ANO3: variants seen among roughly 807,000 people sequenced by gnomAD.
The protein encoded by ANO3 is anoctamin-3.
In ANO3, 99 loss-of-function variants were observed where a neutral mutation model predicts 144.8. The observed-to-expected ratio is 0.68, with a 90% CI of 0.58 to 0.81. The LOEUF is 0.81. Ranked by LOEUF, ANO3 falls within the 30% of genes least tolerant of loss-of-function variation. The probability of loss-of-function intolerance (pLI) is 0.00; values close to 1 mark genes in which losing one functional copy is unlikely to be tolerated. For missense variants in ANO3, 905 were observed against 1,202.2 expected (o/e 0.75, Z 3.66); for synonymous variants, 414 against 392.6 (o/e 1.05, Z -0.64).
In ANO3 at chr11:26,193,839, C is replaced by T. The variant is rs368089688; in HGVS notation, c.154+4509C>T. 1.2e-4 allele frequency among the ~76,000 whole-genome samples: 18 copies of T among 152,190 alleles called. No individual in the cohort carries two copies. In the South Asian group the frequency reaches 3.7e-3, roughly 32 times the overall value. ...TAGGAATGCAACCTATCAGGTAATTCAGGATTCCCATGTAAATTAACATTT... is the reference window on the plus strand; with the variant it reads ...TAGGAATGCAACCTATCAGGTAATTTAGGATTCCCATGTAAATTAACATTT... On this transcript the variant is annotated intron_variant, in intron 1 of 27. Coordinates refer to the ANO3 transcript ENST00000672621.
chr11:26,242,839 A>G (rs796800547), intron 1 of ANO3, among the ~76,000 whole-genome samples: 2 of 152,238 alleles, frequency 1.3e-5, no homozygotes, highest in Non-Finnish European at 2.9e-5. Flanking sequence ...GTGAGCATCA[A>G]TGAAATGGTA....
intron 1 of ANO3, among the ~76,000 whole-genome samples, chr11:26,220,375 C>T (rs1330900964): frequency 6.6e-6 from 1 of 152,180 alleles, no homozygotes; most frequent in Non-Finnish European, 1.5e-5. Flanking sequence ...TGAAAAGTTG[C>T]TAATGGATTG....
At chr11:26,289,629 T>C (rs1853900143) in intron 1 of ANO3, among the ~76,000 whole-genome samples, 1 of 91,056 alleles carries the variant, frequency 1.1e-5, no homozygotes, top group Admixed American at 1.0e-4. Flanking sequence ...TATATGTGTG[T>C]ATATGTACAT....
intron 4 of ANO3, among the ~76,000 whole-genome samples, chr11:26,475,776 A>G (rs1334274370): frequency 6.6e-6 from 1 of 152,102 alleles, no homozygotes; most frequent in East Asian, 1.9e-4. Context: ...TTATCCTTGG[A>G]CTTTTCTTTC....
intron 1 of ANO3, among the ~76,000 whole-genome samples, chr11:26,384,645 A>G (rs891555972): frequency 2.0e-5 from 3 of 152,146 alleles, no homozygotes; most frequent in Admixed American, 2.0e-4. Flanking sequence ...CATATGCCAC[A>G]TCTTTCCAGT....
At chr11:26,360,352 G>C (rs1456580585) in intron 1 of ANO3, among the ~76,000 whole-genome samples, 1 of 151,896 alleles carries the variant, frequency 6.6e-6, no homozygotes, top group African/African-American at 2.4e-5. Flanking sequence ...GCTGGGTCTG[G>C]TTCCTGATGT....
chr11:26,249,523 T>G (rs1056720097), intron 1 of ANO3, among the ~76,000 whole-genome samples: 2 of 152,238 alleles, frequency 1.3e-5, no homozygotes, highest in South Asian at 2.1e-4. Context: ...GTTATGTGCT[T>G]CTTCTCCTGG....
chr11:26,371,123 CA>C (rs1648969089), intron 1 of ANO3, among the ~76,000 whole-genome samples: 1 of 152,102 alleles, frequency 6.6e-6, no homozygotes, highest in Admixed American at 6.5e-5. Flanking sequence ...TTTAGTGGAC[CA>C]GGCCAAGGGG....
chr11:26,469,531 T>G (rs2134068181), intron 4 of ANO3, among the ~76,000 whole-genome samples: 1 of 152,078 alleles, frequency 6.6e-6, no homozygotes, highest in Non-Finnish European at 1.5e-5. Context: ...ATACTCAAAC[T>G]GAATATATTG....
intron 1 of ANO3, among the ~76,000 whole-genome samples, chr11:26,200,089 G>A (rs545642198): frequency 6.6e-6 from 1 of 152,160 alleles, no homozygotes; most frequent in East Asian, 1.9e-4. Context: ...GAGAGAGCCT[G>A]GTATTGTCAA....
chr11:26,403,938 T>A (rs1197160988), intron 1 of ANO3, among the ~76,000 whole-genome samples: 1 of 151,888 alleles, frequency 6.6e-6, no homozygotes, highest in Non-Finnish European at 1.5e-5. Flanking sequence ...TTTTTGCTCA[T>A]CCTTCACCTC....
chr11:26,612,329 A>G (rs1169802390), intron 17 of ANO3, among the ~76,000 whole-genome samples: 1 of 151,854 alleles, frequency 6.6e-6, no homozygotes, highest in Non-Finnish European at 1.5e-5. Flanking sequence ...TTGTAGATGT[A>G]TTATTTTAAG....
chr11:26,583,380 T>C (rs757541937), intron 14 of ANO3, among the ~76,000 whole-genome samples: 2 of 152,188 alleles, frequency 1.3e-5, no homozygotes, highest in Non-Finnish European at 2.9e-5. Flanking sequence ...AAAGGGAAAT[T>C]TGAAGTAAAA....
At chr11:26,596,401 T>C (rs543518594) in intron 14 of ANO3, among the ~76,000 whole-genome samples, 1 of 152,300 alleles carries the variant, frequency 6.6e-6, no homozygotes, top group Admixed American at 6.5e-5. Context: ...CAACCTGATC[T>C]ATTATGTTGT....
chr11:26,605,907 T>C (rs1851922660), intron 17 of ANO3, among the ~76,000 whole-genome samples: 1 of 152,204 alleles, frequency 6.6e-6, no homozygotes, highest in Admixed American at 6.5e-5. Flanking sequence ...CATTCATTTT[T>C]TTGAAGGGGT....
chr11:26,614,534 A>T (rs1005847128), intron 17 of ANO3, among the ~76,000 whole-genome samples: 4 of 152,170 alleles, frequency 2.6e-5, no homozygotes, highest in Non-Finnish European at 5.9e-5. Flanking sequence ...GAGCCATAGC[A>T]GCCTAGGTCA....
At chr11:26,462,942 A>T in intron 3 of ANO3, 88 bp from the exon 4 acceptor site, 1 of 592,812 alleles carries the variant, frequency 1.7e-6, no homozygotes, top group Non-Finnish European at 2.8e-6. Flanking sequence ...AAACTCTGGG[A>T]AAACATGAAA....
intron 10 of ANO3, among the ~76,000 whole-genome samples, chr11:26,540,130 A>G (rs1320966778): frequency 6.6e-6 from 1 of 152,116 alleles, no homozygotes; most frequent in Non-Finnish European, 1.5e-5. Context: ...GGCAACCCAT[A>G]TGACAGATTT....
chr11:26,282,094 GT>G (rs553971542), intron 1 of ANO3, among the ~76,000 whole-genome samples: 1 of 152,080 alleles, frequency 6.6e-6, no homozygotes, highest in Non-Finnish European at 1.5e-5. Flanking sequence ...AATAGAGCTT[GT>G]TTTTCCTAAA....
Sources: gnomAD v4.1 joint callset for allele counts (sites outside exome capture counted in the v4.1 genomes callset) on GRCh38, gnomAD v4.1.1 for gene constraint, MANE v1.5 for transcripts, NCBI Gene and HGNC (gene_info 2026-07-23, HGNC 2026-07-21) for gene names.